Variants in MUC4 observed in about 807,000 individuals in gnomAD.
MUC4 encodes mucin 4, cell surface associated.
Under a neutral mutation model 257.9 loss-of-function variants are expected in MUC4, and 202 were observed. The ratio of observed to expected loss-of-function variants is 0.78; its 90% CI spans 0.70 to 0.88. MUC4 has a LOEUF of 0.88. Ranked by LOEUF, MUC4 falls within the 40% of genes least tolerant of loss-of-function variation. The pLI is 0.00. For missense variants in MUC4, 5,976 were observed against 6,513.7 expected, an observed-to-expected ratio of 0.92 and a Z score of 2.84; for synonymous variants, 2,351 against 2,757.1, an observed-to-expected ratio of 0.85 and a Z score of 4.62.
chr3:195,783,231 GGTGGC>G lies in MUC4; in HGVS notation c.8344_8348del (p.Ala2782ProfsTer126). The G allele has an allele frequency of 1.5e-6, 2 of 1,363,192 alleles. No homozygotes were observed. The highest frequency in any genetic ancestry group is 2.5e-5 in the South Asian group (2 of 79,174). 84.4% of individuals were successfully genotyped at this position (1,363,192 alleles called of 1,614,324 possible). A position where few individuals can be genotyped will look rare whatever the true frequency, so the allele number is the denominator to read the frequency against. ...AGGAAGGGCTGGTGACATGAAGAGG[GGTGGC>G]GTGACCTGTGGATACTGAGGAAGTG... On this transcript the variant is annotated frameshift_variant, in exon 2 of 25. Coordinates refer to ENST00000463781, the MANE Select transcript of MUC4 (RefSeq NM_018406.7). LOFTEE classifies it high-confidence loss of function.
rs771848531 is a variant in MUC4 at position 195,788,733 on chromosome 3, A to C, written c.2847T>G (p.Ser949=). The C allele has an allele frequency of 1.2e-6, 2 of 1,608,024 alleles. No individual in the cohort carries two copies. Among genetic ancestry groups the C allele is most frequent in the Non-Finnish European group, 1.7e-6 (2 of 1,178,428 alleles). ...ACAGAGTGTGGGTCTCGGTTTGTGG[A>C]GATGTAAGCCCAGTGGATGTGATCG... is the stretch of plus-strand genomic sequence containing the variant. ...PPSITSTGLT[S]PQTETHTLSP... The change falls in exon 2 of 25, where the codon TCT becomes TCG. Residue 949 remains serine, a synonymous_variant. Transcript: ENST00000463781.
intron 23 of MUC4, among the ~76,000 whole-genome samples, 161 bp from the exon 24 acceptor site, chr3:195,749,225 T>G (rs1176416796): frequency 2.1e-4 from 32 of 152,382 alleles, no homozygotes; most frequent in Non-Finnish European, 4.1e-4. Context: ...TGGTGGATAA[T>G]AGTAACGTTT....
rs763045339 is a variant in MUC4, at chr3:195,765,453, A to G, written c.13619-4T>C. ...TAGAACTGCAGCCCTTGGAGGCCTG[A>G]GGTCGGGGATGGGGGGGAAAGGGCT... On this transcript the variant is annotated splice_polypyrimidine_tract_variant and splice_region_variant and intron_variant, in intron 8 of 24. Coordinates refer to ENST00000463781, the MANE Select transcript of MUC4 (RefSeq NM_018406.7). 196 of 1,609,084 alleles carry G rather than the reference A, an allele frequency of 1.2e-4. No individual in the cohort carries two copies. Among genetic ancestry groups the G allele is most frequent in the Non-Finnish European group, 1.6e-4 (185 of 1,177,138 alleles).
At chr3:195,753,488 GA>G in intron 19 of MUC4, 1 of 517,724 alleles carries the variant, frequency 1.9e-6, no homozygotes, top group Non-Finnish European at 3.3e-6. Flanking sequence ...AAAGGACCCC[GA>G]AGGCTGGCAG....
At chr3:195,767,585 T>TCACCACCATCGCCAC in intron 7 of MUC4, among the ~76,000 whole-genome samples, 1 of 58,778 alleles carries the variant, frequency 1.7e-5, no homozygotes, top group African/African-American at 9.2e-5. Flanking sequence ...ACCACCACCA[T>TCACCACCATCGCCAC]CACCACCACC....
rs200737893 is a variant in MUC4 at position 195,761,578 on chromosome 3, C to A, written c.14520G>T (p.Trp4840Cys). The change falls in exon 15 of 25, where the codon TGG becomes TGT. Residue 4840 changes from tryptophan (W) to cysteine (C), a missense_variant. This residue lies in a region of MUC4 where 996 missense variants were observed against 1,137.3 expected (regional missense o/e 0.88). Coordinates refer to ENST00000463781, the MANE Select transcript of MUC4 (RefSeq NM_018406.7). Reference sequence around the variant, plus strand: ...TGAAGTCGTCCTCTGGATTGTTATTCCAGACCCCTGAGGGACAGAGTGGGA... The same window carrying A: ...TGAAGTCGTCCTCTGGATTGTTATTACAGACCCCTGAGGGACAGAGTGGGA... ...QNRTEGLLGVWNNNPEDDFRM... is the reference protein window; with the variant it reads ...QNRTEGLLGVCNNNPEDDFRM... 3.7e-6 allele frequency: 6 copies of A among 1,613,664 alleles called. No homozygotes were observed. Among genetic ancestry groups the A allele is most frequent in the Non-Finnish European group, 1.7e-6 (2 of 1,179,688 alleles).
chr3:195,778,790 C>A lies in MUC4; in HGVS notation c.12790G>T (p.Gly4264Ter). The A allele has an allele frequency of 6.2e-7, 1 of 1,608,372 alleles. No homozygotes were observed. The highest frequency in any genetic ancestry group is 8.5e-7 in the Non-Finnish European group (1 of 1,177,196). ...SDSPLKMETP[G>*]MTTPSLKTDG... Reference sequence around the variant, plus strand: ...TAAAGGCGAGGCAGTTGGCAGCTACCTGGTGTTTCCATCTTCAGAGGGGAG... The same window carrying A: ...TAAAGGCGAGGCAGTTGGCAGCTACATGGTGTTTCCATCTTCAGAGGGGAG... Residue 4264 changes from glycine (G) to a stop codon, truncating the protein, a stop_gained and splice_region_variant, in exon 2 of 25, where the codon GGA becomes TGA. Transcript: ENST00000463781. LOFTEE classifies it high-confidence loss of function.
At chr3:195,774,151 C>A in intron 4 of MUC4, 21 bp downstream of exon 4, 1 of 1,588,162 alleles carries the variant, frequency 6.3e-7, no homozygotes, top group Non-Finnish European at 8.5e-7. Flanking sequence ...TCAGGCTGCG[C>A]GGGCCGCAGC....
At chr3:195,793,597 G>A (rs770867704) in intron 1 of MUC4, among the ~76,000 whole-genome samples, 7 of 152,006 alleles carry the variant, frequency 4.6e-5, no homozygotes, top group East Asian at 1.9e-4. Context: ...GCTTCAAATC[G>A]CCTAGAAAAA....
At position 195,785,526 on chromosome 3, in the gene MUC4, A is replaced by T. The variant is rs750767623; in HGVS notation, c.6054T>A (p.Pro2018=). Residue 2018 remains proline, a synonymous_variant, in exon 2 of 25, where the codon CCT becomes CCA. Transcript: ENST00000463781. ...SVSTGQATPL[P]VTSLSSASTG... The stretch of plus-strand genomic sequence containing the variant: ...TGGATGCTGAGGAAAGGCTGGTGAC[A>T]GGAAGAGGGGTGGCCTGTCCTGTAG... The T allele has an allele frequency of 2.9e-5, 44 of 1,521,064 alleles. 1 individual carries two copies. The highest frequency in any genetic ancestry group is 1.8e-6 in the Non-Finnish European group (2 of 1,128,372). 94.2% of individuals were successfully genotyped at this position (1,521,064 alleles called of 1,614,324 possible).
Position 195,779,444 on chromosome 3 carries a change from T to G in MUC4, c.12136A>C (p.Thr4046Pro). 1.4e-6 allele frequency: 1 copy of G among 696,568 alleles called. No individual in the cohort carries two copies. The allele number at this position is 696,568 out of a possible 1,614,324, so 43.1% of individuals were successfully genotyped here. A position where few individuals can be genotyped will look rare whatever the true frequency, so the allele number is the denominator to read the frequency against. Reference protein sequence around the residue: ...TSTSSASTGDTTPLPVTNASS... With the variant: ...TSTSSASTGDPTPLPVTNASS... ...GCATTGGTGACAGGAAGAGGGGTGGTGTCACCTGTGGATGCTGAGGAAGTG... is the reference window on the plus strand; with the variant it reads ...GCATTGGTGACAGGAAGAGGGGTGGGGTCACCTGTGGATGCTGAGGAAGTG... Residue 4046 changes from threonine (T) to proline (P), a missense_variant, in exon 2 of 25, where the codon ACC (threonine) becomes CCC (proline). Physicochemically the swap from Thr to Pro is conservative, Grantham distance 38. Transcript: ENST00000463781.
intron 1 of MUC4, among the ~76,000 whole-genome samples, chr3:195,801,924 CA>C (rs1450045465): frequency 1.3e-5 from 2 of 152,172 alleles, no homozygotes; most frequent in Non-Finnish European, 1.5e-5. Context: ...CCCTCCACTC[CA>C]CTCCCCTTGC....
chr3:195,753,647 G>A (rs1008061755), intron 19 of MUC4: 12 of 246,250 alleles, frequency 4.9e-5, no homozygotes, highest in Admixed American at 1.2e-4. Flanking sequence ...GCCTTAGGGG[G>A]CTTGGTAAAG....
chr3:195,748,234 G>A (rs1715534014), intron 24 of MUC4, among the ~76,000 whole-genome samples: 1 of 152,278 alleles, frequency 6.6e-6, no homozygotes, highest in Admixed American at 6.5e-5. Flanking sequence ...CCCACAAGGA[G>A]ACAGCAGGGA....
At chr3:195,762,981 G>A in intron 12 of MUC4, 36 bp from the exon 13 acceptor site, 6 of 1,466,214 alleles carry the variant, frequency 4.1e-6, no homozygotes, top group Non-Finnish European at 5.6e-6. Context: ...AGCCCGACCC[G>A]CAGGTGGAGC....
Position 195,770,336 on chromosome 3 carries a change from T to TA in MUC4, c.13277dup (p.Val4427SerfsTer9). 2 of 1,613,918 alleles carry TA rather than the reference T, an allele frequency of 1.2e-6. No individual in the cohort carries two copies. The highest frequency in any genetic ancestry group is 1.7e-6 in the Non-Finnish European group (2 of 1,179,926). On this transcript the variant is annotated frameshift_variant, in exon 6 of 25. Transcript: ENST00000463781. LOFTEE classifies it high-confidence loss of function. ...TAATCCAAGACTCGGCCTGCTGGAC[T>TA]AGCAGGCTGTGTTCACCATAGAACG... is the stretch of plus-strand genomic sequence containing the variant.
rs562554181 is a variant in MUC4 at position 195,765,247 on chromosome 3, G to A, written c.13798+23C>T. 1.4e-5 allele frequency: 22 copies of A among 1,597,070 alleles called. No homozygotes were observed. The South Asian group carries it at 2.4e-4, about 17-fold the overall frequency. ...CAGAGAGGGTGGTGGGTGGGCTTGT[G>A]GGGGGCGGGAAGGAGGTGTCACCTA... On this transcript the variant is annotated intron_variant, in intron 9 of 24. Coordinates refer to ENST00000463781, the MANE Select transcript of MUC4 (RefSeq NM_018406.7).
rs1277449181 is a variant in MUC4 at position 195,781,787 on chromosome 3, G to C, written c.9793C>G (p.Leu3265Val). Residue 3265 changes from leucine to valine, a missense_variant, in exon 2 of 25, where the codon CTT (leucine) becomes GTT (valine). Physicochemically the swap from Leu to Val is conservative, Grantham distance 32 (BLOSUM62 1). Transcript: ENST00000463781. ...SSASTGDTTS[L>V]PVTDTSSAYT... Reference sequence around the variant, plus strand: ...GCTGAGGAAGTGTCGGTGACAGGAAGAGAGGTGGTGTCACCTGTGGATGCT... The same window carrying C: ...GCTGAGGAAGTGTCGGTGACAGGAACAGAGGTGGTGTCACCTGTGGATGCT... The C allele has an allele frequency of 6.7e-5, 75 of 1,123,298 alleles. No homozygotes were observed. Among genetic ancestry groups the C allele is most frequent in the East Asian group, 5.9e-4 (8 of 13,526 alleles). The allele number at this position is 1,123,298 out of a possible 1,614,324, so 69.6% of individuals were successfully genotyped here. A position where few individuals can be genotyped will look rare whatever the true frequency, so the allele number is the denominator to read the frequency against.
At position 195,755,768 on chromosome 3, in the gene MUC4, T is replaced by G. The variant is rs1577959786; in HGVS notation, c.15168+1379A>C. 6.6e-6 allele frequency among the ~76,000 whole-genome samples: 1 copy of G among 152,234 alleles called. No individual in the cohort carries two copies. Among genetic ancestry groups the G allele is most frequent in the East Asian group, 1.9e-4 (1 of 5,202 alleles). On this transcript the variant is annotated intron_variant, in intron 18 of 24. Transcript: ENST00000463781. The surrounding 1 kb of genome is among the most constrained non-coding windows in gnomAD (Gnocchi z 5.0). ...TCTCTTTTTCCCATTGTGTATTTTA[T>G]GCTTTTCTACCCCCTACCCCACCAA...
Sources: gnomAD v4.1 joint callset for allele counts (sites outside exome capture counted in the v4.1 genomes callset) on GRCh38, gnomAD v4.1.1 for gene constraint, gnomAD v4.1.1 regional missense constraint, Gnocchi (gnomAD v3.1) non-coding constraint, MANE v1.5 for transcripts, NCBI Gene and HGNC (gene_info 2026-07-23, HGNC 2026-07-21) for gene names.